Variants in SIPA1L3 observed in about 807,000 individuals in gnomAD.
SIPA1L3 encodes the protein signal induced proliferation associated 1 like 3, also known as signal-induced proliferation-associated 1-like protein 3.
SIPA1L3 carries 59 observed loss-of-function variants against 150.1 expected under a neutral mutation model. That is an observed-to-expected ratio of 0.39 (90% CI 0.32 to 0.49). SIPA1L3 has a LOEUF of 0.49. SIPA1L3 is among the 20% of genes least tolerant of loss of function. The pLI is 0.86. For synonymous variants in SIPA1L3, 1,070 were observed against 1,077.6 expected, an observed-to-expected ratio of 0.99 and a Z score of 0.14; for missense variants, 2,211 against 2,489.5, an observed-to-expected ratio of 0.89 and a Z score of 2.38.
chr19:37,929,292 AC>A (rs1245415429), intron 1 of SIPA1L3, among the ~76,000 whole-genome samples: 1 of 152,188 alleles, frequency 6.6e-6, no homozygotes, highest in Non-Finnish European at 1.5e-5. Flanking sequence ...TTAGGAAAGG[AC>A]TGGGAAAGGG....
chr19:37,959,105 G>A (rs1195880148), intron 1 of SIPA1L3, among the ~76,000 whole-genome samples: 4 of 152,186 alleles, frequency 2.6e-5, no homozygotes, highest in Non-Finnish European at 5.9e-5. Flanking sequence ...AGCCATTTTG[G>A]AAAACAATTT....
chr19:38,110,712 C>T (rs1299080073), intron 8 of SIPA1L3, among the ~76,000 whole-genome samples: 2 of 152,208 alleles, frequency 1.3e-5, no homozygotes, highest in East Asian at 3.8e-4. Context: ...CTGGCTGGAT[C>T]TGCCACCGCC....
intron 18 of SIPA1L3, among the ~76,000 whole-genome samples, chr19:38,195,554 C>G (rs1393408069): frequency 1.3e-5 from 2 of 152,204 alleles, no homozygotes; most frequent in Non-Finnish European, 2.9e-5. Flanking sequence ...CCCTGCTGCT[C>G]TGTCTCTCTG....
At chr19:38,044,531 G>C (rs1969006288) in intron 2 of SIPA1L3, among the ~76,000 whole-genome samples, 1 of 152,170 alleles carries the variant, frequency 6.6e-6, no homozygotes, top group Admixed American at 6.5e-5. Context: ...GTGATTGCTA[G>C]ATGGGAGGCA....
In SIPA1L3 at chr19:38,088,861, A is replaced by T. The variant is rs754939949; in HGVS notation, c.1665+10A>T. 6.2e-7 allele frequency: 1 copy of T among 1,613,360 alleles called. No homozygotes were observed. The highest frequency in any genetic ancestry group is 1.3e-5 in the African/African-American group (1 of 75,022). On this transcript the variant is annotated intron_variant, in intron 4 of 21. Coordinates refer to ENST00000222345, the MANE Select transcript of SIPA1L3 (RefSeq NM_015073.3). ...CTTCCGGACCCGCGAGGTAGGTCCC[A>T]TCACTCTCGTTCTTATTAAAGAAAT... is the stretch of plus-strand genomic sequence containing the variant.
intron 15 of SIPA1L3, 41 bp from the exon 16 acceptor site, chr19:38,182,478 T>G: frequency 6.9e-7 from 1 of 1,446,910 alleles, no homozygotes; most frequent in Non-Finnish European, 9.5e-7. Context: ...AAATGTGGAA[T>G]GGATTTGGTT....
chr19:38,148,696 C>G (rs1165523156), intron 12 of SIPA1L3, among the ~76,000 whole-genome samples: 2 of 152,140 alleles, frequency 1.3e-5, no homozygotes, highest in African/African-American at 2.4e-5. Context: ...TGGTGCTTTC[C>G]TCTGTGGCCA....
chr19:37,960,296 G>T (rs1356759711), intron 1 of SIPA1L3, among the ~76,000 whole-genome samples: 1 of 152,292 alleles, frequency 6.6e-6, no homozygotes, highest in Admixed American at 6.5e-5. Flanking sequence ...CTGTAGCACA[G>T]GCTGGAGTGC....
chr19:38,111,908 C>T (rs537077705), intron 8 of SIPA1L3, among the ~76,000 whole-genome samples: 10 of 152,042 alleles, frequency 6.6e-5, no homozygotes, highest in South Asian at 4.2e-4. Flanking sequence ...CACACACACA[C>T]ATGCATGCAC....
chr19:38,039,071 C>T lies in SIPA1L3; in HGVS notation c.-311+9915C>T, dbSNP rs577491129. Among the ~76,000 whole-genome samples the T allele has an allele frequency of 2.9e-4, 44 of 152,096 alleles. No homozygotes were observed. In the East Asian group the frequency reaches 8.3e-3, roughly 29 times the overall value. On this transcript the variant is annotated intron_variant, in intron 2 of 21. Coordinates refer to ENST00000222345, the MANE Select transcript of SIPA1L3 (RefSeq NM_015073.3). ...CTAATTTTTTGTATTTTAGTAGAGACAAGCTTTCACCATGTTGCCCAGGGT... is the reference window on the plus strand; with the variant it reads ...CTAATTTTTTGTATTTTAGTAGAGATAAGCTTTCACCATGTTGCCCAGGGT...
chr19:38,159,325 G>A (rs1183355306), intron 13 of SIPA1L3, among the ~76,000 whole-genome samples: 2 of 152,234 alleles, frequency 1.3e-5, no homozygotes, highest in Non-Finnish European at 2.9e-5. Context: ...GGAGGTGGCA[G>A]TGTGATTGCA....
At chr19:38,161,340 C>CAAAAA (rs952754406) in intron 13 of SIPA1L3, among the ~76,000 whole-genome samples, 1 of 46,430 alleles carries the variant, frequency 2.2e-5, no homozygotes, top group Admixed American at 2.1e-4. Context: ...GACTCCGTCT[C>CAAAAA]AAAAAAAAAA....
chr19:38,032,863 AAG>A (rs1491572327), intron 2 of SIPA1L3, among the ~76,000 whole-genome samples: 3 of 151,770 alleles, frequency 2.0e-5, no homozygotes, highest in Non-Finnish European at 4.4e-5. Flanking sequence ...AAAAAAAAAA[AAG>A]AAGTGAATAT....
intron 2 of SIPA1L3, among the ~76,000 whole-genome samples, chr19:38,079,798 C>T (rs1969935786): frequency 6.6e-6 from 1 of 152,066 alleles, no homozygotes; most frequent in Non-Finnish European, 1.5e-5. Flanking sequence ...TCAAGTGATC[C>T]ACCCGCCTTG....
chr19:37,982,042 A>G (rs1401212162), intron 1 of SIPA1L3, among the ~76,000 whole-genome samples: 1 of 152,218 alleles, frequency 6.6e-6, no homozygotes, highest in Non-Finnish European at 1.5e-5. Context: ...TCAGTTTGCA[A>G]GAAGTCACCC....
chr19:38,179,115 TC>T (rs1248855823), intron 15 of SIPA1L3, among the ~76,000 whole-genome samples: 1 of 152,232 alleles, frequency 6.6e-6, no homozygotes, highest in African/African-American at 2.4e-5. Context: ...GCTCCTCTGT[TC>T]TTCCTTACTG....
chr19:37,953,764 C>T (rs1031766939), intron 1 of SIPA1L3, among the ~76,000 whole-genome samples: 23 of 152,280 alleles, frequency 1.5e-4, no homozygotes, highest in Middle Eastern at 3.4e-3. Context: ...CCCCCAGGCA[C>T]GTGTGATTTT....
At chr19:37,943,583 G>A (rs1245125893) in intron 1 of SIPA1L3, among the ~76,000 whole-genome samples, 2 of 152,102 alleles carry the variant, frequency 1.3e-5, no homozygotes, top group South Asian at 2.1e-4. Context: ...CACTTTACAC[G>A]AGGCCCAGAT....
rs528673872 is a variant in SIPA1L3 at position 38,130,521 on chromosome 19, G to A, written c.2892G>A (p.Thr964=). 82 of 1,612,620 alleles carry A rather than the reference G, an allele frequency of 5.1e-5. No individual in the cohort carries two copies. In the Admixed American group the frequency reaches 5.8e-4, roughly 11 times the overall value. ...AGGTGATGACCAGTGGCTGGGAGAC[G>A]GTGGACATGACGCTTCGGCGGAACG... ...RLKVMTSGWE[T]VDMTLRRNGL... is the part of the protein sequence containing the mutation. Residue 964 remains threonine (T), a synonymous_variant, in exon 10 of 22, where the codon ACG becomes ACA. Transcript: ENST00000222345.
Sources: gnomAD v4.1 joint callset for allele counts (sites outside exome capture counted in the v4.1 genomes callset) on GRCh38, gnomAD v4.1.1 for gene constraint, MANE v1.5 for transcripts, NCBI Gene and HGNC (gene_info 2026-07-23, HGNC 2026-07-21) for gene names.